The following RBMS3 variants were observed in gnomAD, a reference collection of about 807,000 sequenced individuals.
RBMS3 encodes RNA binding motif single stranded interacting protein 3, also known as RNA-binding motif, single-stranded-interacting protein 3.
RBMS3 carries 27 observed loss-of-function variants against 66.8 expected under a neutral mutation model. The observed-to-expected ratio is 0.40, with a 90% confidence interval of 0.30 to 0.56. The LOEUF is 0.56. RBMS3 is among the 20% of genes least tolerant of loss of function. The pLI is 0.40. For missense variants in RBMS3, 513 were observed against 549.5 expected, an observed-to-expected ratio of 0.93 and a Z score of 0.66; for synonymous variants, 188 against 183.0, an observed-to-expected ratio of 1.03 and a Z score of -0.22.
intron 3 of RBMS3, among the ~76,000 whole-genome samples, chr3:29,572,858 T>G (rs2046992250): frequency 6.6e-6 from 1 of 152,224 alleles, no homozygotes. Context: ...TCTTCTTAAG[T>G]GTTTGATAGA....
chr3:29,632,926 G>A (rs1395905310), intron 4 of RBMS3, among the ~76,000 whole-genome samples: 3 of 151,744 alleles, frequency 2.0e-5, no homozygotes, highest in Non-Finnish European at 4.4e-5. Context: ...ACAATGAAAT[G>A]TTTTCGTTTT....
At chr3:29,884,470 C>CTCTCTCTT (rs1491200120) in intron 8 of RBMS3, among the ~76,000 whole-genome samples, 14 of 70,500 alleles carry the variant, frequency 2.0e-4, no homozygotes, top group Non-Finnish European at 3.2e-4. Flanking sequence ...CTCTCTCTCT[C>CTCTCTCTT]CCCCCCCGCT....
chr3:29,481,833 A>G (rs2043138960), intron 2 of RBMS3, among the ~76,000 whole-genome samples: 1 of 152,240 alleles, frequency 6.6e-6, no homozygotes, highest in South Asian at 2.1e-4. Context: ...TTTATGCTAT[A>G]CAGTAAATGT....
chr3:29,903,982 G>T (rs778239171), intron 10 of RBMS3, among the ~76,000 whole-genome samples: 26 of 151,870 alleles, frequency 1.7e-4, no homozygotes, highest in Non-Finnish European at 3.7e-4. Context: ...ACTTAATTTG[G>T]TCATTCTTTG....
chr3:29,685,991 A>C (rs2051715862), intron 4 of RBMS3, among the ~76,000 whole-genome samples: 1 of 152,206 alleles, frequency 6.6e-6, no homozygotes. Context: ...GTTGTGTAAC[A>C]ACATCGCTTT....
chr3:29,940,917 C>T (rs533338136), intron 11 of RBMS3, among the ~76,000 whole-genome samples: 1 of 151,842 alleles, frequency 6.6e-6, no homozygotes, highest in Non-Finnish European at 1.5e-5. Flanking sequence ...AACTTCTTAT[C>T]ACTTTATTGT....
intron 5 of RBMS3, among the ~76,000 whole-genome samples, chr3:29,745,534 A>T (rs575557254): frequency 2.0e-5 from 3 of 152,010 alleles, no homozygotes; most frequent in African/African-American, 7.3e-5. Flanking sequence ...CAAAAATCAC[A>T]TTGAGAGGGT....
chr3:29,702,480 C>A (rs925918266), intron 4 of RBMS3, among the ~76,000 whole-genome samples: 2 of 152,172 alleles, frequency 1.3e-5, no homozygotes, highest in African/African-American at 4.8e-5. Context: ...TGGCAACCCG[C>A]CGGGGTCCTC....
intron 1 of RBMS3, among the ~76,000 whole-genome samples, chr3:29,403,946 T>C (rs939932632): frequency 6.6e-6 from 1 of 152,096 alleles, no homozygotes; most frequent in Non-Finnish European, 1.5e-5. Flanking sequence ...TGAATGACTT[T>C]ATGTTTTGAT....
intron 1 of RBMS3, among the ~76,000 whole-genome samples, chr3:29,374,278 T>C (rs915257356): frequency 1.3e-5 from 2 of 152,200 alleles, no homozygotes; most frequent in Non-Finnish European, 2.9e-5. Context: ...TCAGTAAAGA[T>C]GTAGAAGTTA....
chr3:29,391,860 C>T (rs910832992), intron 1 of RBMS3, among the ~76,000 whole-genome samples: 9 of 151,990 alleles, frequency 5.9e-5, no homozygotes, highest in East Asian at 1.9e-4. Flanking sequence ...AAATGGAAAC[C>T]GATGACATGC....
intron 5 of RBMS3, among the ~76,000 whole-genome samples, chr3:29,761,771 C>T (rs950669395): frequency 6.6e-6 from 1 of 152,060 alleles, no homozygotes; most frequent in Non-Finnish European, 1.5e-5. Context: ...TTGATGGGCA[C>T]CATTCCAAGA....
At chr3:29,342,455 G>A (rs947755670) in intron 1 of RBMS3, among the ~76,000 whole-genome samples, 1 of 152,022 alleles carries the variant, frequency 6.6e-6, no homozygotes, top group East Asian at 1.9e-4. Context: ...TCTATTATTG[G>A]CACCTCCCAT....
In RBMS3 at chr3:29,472,048, T is replaced by C. The variant is rs2042747279; in HGVS notation, c.249-16393T>C. Among the ~76,000 whole-genome samples, 8 of 152,240 alleles carry C rather than the reference T, an allele frequency of 5.3e-5. No homozygotes were observed. The South Asian group carries it at 1.7e-3, about 32-fold the overall frequency. On this transcript the variant is annotated intron_variant, in intron 2 of 14. Coordinates refer to ENST00000383767, the MANE Select transcript of RBMS3 (RefSeq NM_001003793.3). ...TGCTACTACTTTCCACACATTTTTA[T>C]TGAAAAGTAACAAGTAGATAGAAAA...
intron 1 of RBMS3, among the ~76,000 whole-genome samples, chr3:29,393,500 G>A (rs557993403): frequency 6.6e-6 from 1 of 152,228 alleles, no homozygotes; most frequent in East Asian, 1.9e-4. Context: ...ATGAGGACTA[G>A]TGGATGATGA....
At chr3:29,992,602 A>C (rs909025087) in intron 14 of RBMS3, among the ~76,000 whole-genome samples, 4 of 151,262 alleles carry the variant, frequency 2.6e-5, no homozygotes, top group African/African-American at 7.3e-5. Flanking sequence ...ACTCCGTCTC[A>C]AAAAAAAAGA....
chr3:29,823,603 A>G (rs1167709823), intron 6 of RBMS3, among the ~76,000 whole-genome samples: 1 of 152,202 alleles, frequency 6.6e-6, no homozygotes, highest in East Asian at 1.9e-4. Context: ...GGTGGCTTTT[A>G]GCTGCATGTG....
chr3:29,653,002 G>A (rs2050197647), intron 4 of RBMS3, among the ~76,000 whole-genome samples: 2 of 152,112 alleles, frequency 1.3e-5, no homozygotes, highest in Admixed American at 1.3e-4. Flanking sequence ...AACTTCTATA[G>A]TCAAATTCCA....
chr3:29,441,894 G>T (rs576589013), intron 2 of RBMS3, among the ~76,000 whole-genome samples: 1 of 152,230 alleles, frequency 6.6e-6, no homozygotes, highest in Non-Finnish European at 1.5e-5. Flanking sequence ...AATTTCATGG[G>T]ACCTACCACT....
Sources: gnomAD v4.1 joint callset for allele counts (sites outside exome capture counted in the v4.1 genomes callset) on GRCh38, gnomAD v4.1.1 for gene constraint, MANE v1.5 for transcripts, NCBI Gene and HGNC (gene_info 2026-07-23, HGNC 2026-07-21) for gene names.